The following SEMA5A variants were observed in gnomAD, a reference collection of about 807,000 sequenced individuals.
SEMA5A encodes the protein semaphorin 5A.
Under a neutral mutation model 135.5 loss-of-function variants are expected in SEMA5A, and 55 were observed. The observed-to-expected ratio is 0.41, with a 90% CI of 0.33 to 0.51. SEMA5A has a LOEUF of 0.51. Among genes scored for constraint, SEMA5A ranks in the 20% least tolerant of loss-of-function variants. The pLI is 0.37. For missense variants in SEMA5A, 1,290 were observed against 1,419.9 expected, an observed-to-expected ratio of 0.91 and a Z score of 1.47; for synonymous variants, 580 against 546.5, an observed-to-expected ratio of 1.06 and a Z score of -0.85.
chr5:9,064,642 CG>C (rs1402684779), intron 17 of SEMA5A, among the ~76,000 whole-genome samples: 1 of 151,948 alleles, frequency 6.6e-6, no homozygotes, highest in African/African-American at 2.4e-5. Context: ...CGGGGCCTGT[CG>C]GGGGTAGGGA....
intron 1 of SEMA5A, among the ~76,000 whole-genome samples, chr5:9,532,803 C>A (rs1737528622): frequency 6.6e-6 from 1 of 152,166 alleles, no homozygotes; most frequent in Admixed American, 6.5e-5. Context: ...TCCTTTGACA[C>A]TTTTTTCATG....
At chr5:9,388,017 A>T (rs922136336) in intron 2 of SEMA5A, among the ~76,000 whole-genome samples, 11 of 152,216 alleles carry the variant, frequency 7.2e-5, no homozygotes, top group African/African-American at 2.7e-4. Context: ...ATCTTTAGGA[A>T]TGTCTTACTG....
At chr5:9,092,900 G>C (rs1284683359) in intron 16 of SEMA5A, among the ~76,000 whole-genome samples, 1 of 152,162 alleles carries the variant, frequency 6.6e-6, no homozygotes, top group Non-Finnish European at 1.5e-5. Flanking sequence ...CCTACACTCT[G>C]CAAGGTGTTG....
intron 2 of SEMA5A, among the ~76,000 whole-genome samples, chr5:9,437,364 C>CT (rs1311985378): frequency 1.3e-5 from 2 of 151,008 alleles, no homozygotes; most frequent in Admixed American, 6.6e-5. Flanking sequence ...TTCTTTTCTT[C>CT]TTTTTTCTCT....
intron 1 of SEMA5A, among the ~76,000 whole-genome samples, chr5:9,482,970 T>G (rs1022441572): frequency 6.6e-6 from 1 of 152,358 alleles, no homozygotes; most frequent in Middle Eastern, 3.4e-3. Flanking sequence ...GATGAGCACA[T>G]AGTAACTTAA....
chr5:9,234,627 C>T (rs976683294), intron 6 of SEMA5A, among the ~76,000 whole-genome samples: 15 of 152,140 alleles, frequency 9.9e-5, no homozygotes, highest in South Asian at 4.2e-4. Flanking sequence ...CCTAAAAGAA[C>T]GTGTGATTTA....
chr5:9,249,654 A>G (rs1363987441), intron 5 of SEMA5A, among the ~76,000 whole-genome samples: 1 of 152,224 alleles, frequency 6.6e-6, no homozygotes, highest in Non-Finnish European at 1.5e-5. Context: ...AGTTGTTGAT[A>G]TAAAAGACCT....
rs868631858 is a variant in SEMA5A, at chr5:9,348,376, C to T, written c.125-10564G>A. ...TTTTTTTTAAATTTATAAGATTATG[C>T]AAATTCATATATTATAACACAAACT... On this transcript the variant is annotated intron_variant, in intron 3 of 22. Transcript: ENST00000382496. Among the ~76,000 whole-genome samples, 4 of 152,100 alleles carry T rather than the reference C, an allele frequency of 2.6e-5. No individual in the cohort carries two copies. In the South Asian group the frequency reaches 6.2e-4, roughly 24 times the overall value.
intron 22 of SEMA5A, chr5:9,043,282 GA>G: frequency 3.0e-6 from 1 of 327,936 alleles, no homozygotes; most frequent in South Asian, 4.9e-5. Context: ...CAGGAGGTAA[GA>G]AAATCTAAAT....
At chr5:9,107,552 T>G (rs1038908140) in intron 16 of SEMA5A, among the ~76,000 whole-genome samples, 1 of 152,136 alleles carries the variant, frequency 6.6e-6, no homozygotes, top group Admixed American at 6.5e-5. Context: ...TAGCCATATA[T>G]AAGCAGGCTG....
At chr5:9,205,021 C>T (rs1745932450) in intron 8 of SEMA5A, among the ~76,000 whole-genome samples, 1 of 152,160 alleles carries the variant, frequency 6.6e-6, no homozygotes, top group Non-Finnish European at 1.5e-5. Context: ...GAAGACTTAT[C>T]TTCCATGAAA....
At chr5:9,355,970 C>T (rs1250205227) in intron 3 of SEMA5A, among the ~76,000 whole-genome samples, 2 of 152,154 alleles carry the variant, frequency 1.3e-5, no homozygotes, top group African/African-American at 4.8e-5. Context: ...ATCTTAGAAT[C>T]AATTTGATTA....
chr5:9,400,638 C>G (rs1368306033), intron 2 of SEMA5A, among the ~76,000 whole-genome samples: 1 of 109,218 alleles, frequency 9.2e-6, no homozygotes, highest in Non-Finnish European at 1.9e-5. Context: ...TCCCAAGTAG[C>G]TGGGACTACA....
chr5:9,049,403 G>C (rs558842871), intron 21 of SEMA5A, among the ~76,000 whole-genome samples: 1 of 152,282 alleles, frequency 6.6e-6, no homozygotes, highest in South Asian at 2.1e-4. Context: ...GACCTCACGT[G>C]ATCTGCCTGC....
At position 9,270,184 on chromosome 5, in the gene SEMA5A, T is replaced by C. The variant is rs545501868; in HGVS notation, c.271-32294A>G. On this transcript the variant is annotated intron_variant, in intron 5 of 22. Transcript: ENST00000382496. ...ATTGAGCCTCTCTGGTAGACAACAC[T>C]CTCCTCGTGTTGTCACAATTTGCTG... is the stretch of plus-strand genomic sequence containing the variant. 5.3e-5 allele frequency among the ~76,000 whole-genome samples: 8 copies of C among 152,146 alleles called. No individual in the cohort carries two copies. The South Asian group carries it at 1.5e-3, about 28-fold the overall frequency.
chr5:9,106,436 T>C (rs1169589069), intron 16 of SEMA5A, among the ~76,000 whole-genome samples: 1 of 152,256 alleles, frequency 6.6e-6, no homozygotes, highest in African/African-American at 2.4e-5. Flanking sequence ...CATTAAGCTA[T>C]ATTTGAAGGT....
At chr5:9,300,235 C>T (rs963443016) in intron 5 of SEMA5A, among the ~76,000 whole-genome samples, 1 of 152,078 alleles carries the variant, frequency 6.6e-6, no homozygotes, top group Non-Finnish European at 1.5e-5. Context: ...GCCATGTTAC[C>T]CAGGCTGGTC....
intron 6 of SEMA5A, among the ~76,000 whole-genome samples, chr5:9,232,419 CAAAGTTG>C (rs1747679147): frequency 6.6e-6 from 1 of 152,114 alleles, no homozygotes; most frequent in Non-Finnish European, 1.5e-5. Flanking sequence ...ATGAGCCTTT[CAAAGTTG>C]AACCCACATC....
At chr5:9,501,879 C>A (rs1046996858) in intron 1 of SEMA5A, among the ~76,000 whole-genome samples, 2 of 152,192 alleles carry the variant, frequency 1.3e-5, no homozygotes, top group Non-Finnish European at 2.9e-5. Flanking sequence ...TTTCCTGTTA[C>A]AAAATGGAAA....
Sources: allele counts gnomAD v4.1 joint callset (sites outside exome capture counted in the v4.1 genomes callset), GRCh38; gene constraint gnomAD v4.1.1; transcripts MANE v1.5; gene names NCBI Gene and HGNC (gene_info 2026-07-23, HGNC 2026-07-21).